SCN9A: variants seen among roughly 807,000 people sequenced by gnomAD.
The protein encoded by SCN9A is sodium voltage-gated channel alpha subunit 9.
In SCN9A, 131 loss-of-function variants were observed where a neutral mutation model predicts 187.0. The ratio of observed to expected loss-of-function variants is 0.70; its 90% confidence interval spans 0.61 to 0.81. The LOEUF (loss-of-function observed/expected upper bound fraction) is 0.81. Ranked by LOEUF, SCN9A falls within the 30% of genes least tolerant of loss-of-function variation. The pLI, the probability that SCN9A is intolerant of heterozygous loss-of-function variation, is 0.00. For missense variants in SCN9A, 2,252 were observed against 2,396.6 expected (o/e 0.94, Z 1.26); for synonymous variants, 809 against 808.6 (o/e 1.00, Z -0.01).
chr2:166,357,419 T>C (rs1415034499), intron 1 of SCN9A, among the ~76,000 whole-genome samples: 3 of 152,192 alleles, frequency 2.0e-5, no homozygotes, highest in Non-Finnish European at 2.9e-5. Context: ...GGTAAAATGT[T>C]CCATTTGTAA....
At position 166,199,534 on chromosome 2, in the gene SCN9A, C is replaced by G. The variant is rs199567943; in HGVS notation, c.5105G>C (p.Gly1702Ala). ...FQITTSAGWDGLLAPILNSKP... is the reference protein window; with the variant it reads ...FQITTSAGWDALLAPILNSKP... Reference sequence around the variant, plus strand: ...ACTGTTAAGAATAGGTGCTAGCAATCCATCCCAGCCAGCAGAGGTTGTAAT... The same window carrying G: ...ACTGTTAAGAATAGGTGCTAGCAATGCATCCCAGCCAGCAGAGGTTGTAAT... The change falls in exon 27 of 27, where the codon GGA becomes GCA. Residue 1702 changes from glycine (G) to alanine (A), a missense_variant. By Grantham distance (60) the Gly-to-Ala change is moderately conservative. Around this residue, in one of 7 missense-constraint regions of SCN9A, gnomAD observed 84 missense variants for 134.2 expected, o/e 0.63. Transcript: ENST00000642356. 2 of 1,614,164 alleles carry G rather than the reference C, an allele frequency of 1.2e-6. No homozygotes were observed. Among genetic ancestry groups the G allele is most frequent in the South Asian group, 1.1e-5 (1 of 91,086 alleles).
intron 1 of SCN9A, among the ~76,000 whole-genome samples, chr2:166,367,694 A>G (rs1700452548): frequency 6.6e-6 from 1 of 152,234 alleles, no homozygotes; most frequent in Admixed American, 6.5e-5. Flanking sequence ...TGCGAATCAT[A>G]GCAAAGTCAA....
At chr2:166,339,029 T>C (rs571536730) in intron 1 of SCN9A, among the ~76,000 whole-genome samples, 1 of 152,232 alleles carries the variant, frequency 6.6e-6, no homozygotes, top group South Asian at 2.1e-4. Context: ...GTTGCAAAGG[T>C]CTTGGCATCT....
chr2:166,365,190 C>G (rs923281315), intron 1 of SCN9A, among the ~76,000 whole-genome samples: 1 of 151,984 alleles, frequency 6.6e-6, no homozygotes, highest in South Asian at 2.1e-4. Flanking sequence ...TTCCAAGAAT[C>G]CAATCCATTA....
At chr2:166,283,464 G>A (rs1697584620) in intron 12 of SCN9A, among the ~76,000 whole-genome samples, 1 of 152,108 alleles carries the variant, frequency 6.6e-6, no homozygotes, top group African/African-American at 2.4e-5. Flanking sequence ...GTTAGTCAAA[G>A]CCCTTGCTGA....
At chr2:166,266,999 A>G (rs1010554775) in intron 17 of SCN9A, among the ~76,000 whole-genome samples, 3 of 152,004 alleles carry the variant, frequency 2.0e-5, no homozygotes, top group Admixed American at 1.3e-4. Flanking sequence ...TCATATAAAA[A>G]CAAAGAGAAT....
intron 1 of SCN9A, among the ~76,000 whole-genome samples, chr2:166,356,795 A>C (rs1346007684): frequency 6.6e-6 from 1 of 152,184 alleles, no homozygotes; most frequent in Non-Finnish European, 1.5e-5. Context: ...AGCATGTATA[A>C]AGCTACTTCT....
intron 9 of SCN9A, among the ~76,000 whole-genome samples, chr2:166,291,072 T>A (rs1698044582): frequency 6.6e-6 from 1 of 152,166 alleles, no homozygotes; most frequent in Non-Finnish European, 1.5e-5. Flanking sequence ...TGTTGGAATT[T>A]CTGGCCAGGG....
intron 1 of SCN9A, among the ~76,000 whole-genome samples, chr2:166,320,362 C>T (rs1699207627): frequency 6.6e-6 from 1 of 152,124 alleles, no homozygotes; most frequent in Admixed American, 6.6e-5. Flanking sequence ...GTTCTGTTAC[C>T]TTCACTGGGC....
chr2:166,199,660 A>G lies in SCN9A; in HGVS notation c.4979T>C (p.Ile1660Thr). Residue 1660 changes from isoleucine (I) to threonine (T), a missense_variant, in exon 27 of 27, where the codon ATC (isoleucine) becomes ACC (threonine). Coordinates refer to ENST00000642356, the MANE Select transcript of SCN9A (RefSeq NM_001365536.1). ...LLFLVMFIYA[I>T]FGMSNFAYVK... ...ATAGGCAAAGTTGGACATTCCAAAGATGGCGTAGATGAACATGACCAGGAA... is the reference window on the plus strand; with the variant it reads ...ATAGGCAAAGTTGGACATTCCAAAGGTGGCGTAGATGAACATGACCAGGAA... The G allele has an allele frequency of 1.9e-6, 3 of 1,614,166 alleles. No individual in the cohort carries two copies. Among genetic ancestry groups the G allele is most frequent in the African/African-American group, 1.3e-5 (1 of 75,044 alleles).
intron 1 of SCN9A, among the ~76,000 whole-genome samples, chr2:166,349,864 C>T (rs1186313087): frequency 6.6e-6 from 1 of 151,924 alleles, no homozygotes; most frequent in Non-Finnish European, 1.5e-5. Context: ...CCCAGCTACT[C>T]AGGAGGCTGA....
intron 9 of SCN9A, among the ~76,000 whole-genome samples, chr2:166,290,744 C>T: frequency 6.6e-6 from 1 of 151,952 alleles, no homozygotes; most frequent in Middle Eastern, 3.2e-3. Flanking sequence ...ATCCTTTGCC[C>T]ACTTTTTGAT....
At chr2:166,322,532 G>A (rs915849717) in intron 1 of SCN9A, among the ~76,000 whole-genome samples, 1 of 152,098 alleles carries the variant, frequency 6.6e-6, no homozygotes, top group Non-Finnish European at 1.5e-5. Context: ...ATGGTTAACT[G>A]TATATAAAGT....
intron 4 of SCN9A, 65 bp downstream of exon 4, chr2:166,306,445 C>T (rs571046788): frequency 2.2e-6 from 2 of 910,738 alleles, no homozygotes; most frequent in African/African-American, 3.3e-5. Flanking sequence ...AACTTCCTGG[C>T]AGGAAAAGGA....
chr2:166,342,326 T>C, intron 1 of SCN9A, among the ~76,000 whole-genome samples: 1 of 152,204 alleles, frequency 6.6e-6, no homozygotes. Flanking sequence ...ATGTCCCTGT[T>C]TGGTCACTTT....
chr2:166,304,445 C>A, intron 5 of SCN9A, 116 bp from the exon 6 acceptor site: 1 of 844,054 alleles, frequency 1.2e-6, no homozygotes, highest in Non-Finnish European at 1.8e-6. Flanking sequence ...TATAGTTCTG[C>A]AAGTCTTTTT....
At chr2:166,250,285 C>A (rs567703625) in intron 18 of SCN9A, among the ~76,000 whole-genome samples, 2 of 152,076 alleles carry the variant, frequency 1.3e-5, no homozygotes, top group Non-Finnish European at 2.9e-5. Flanking sequence ...CTAGATAAGT[C>A]ATTAGCATCT....
chr2:166,225,794 C>T (rs772081761), intron 24 of SCN9A, among the ~76,000 whole-genome samples: 4 of 152,058 alleles, frequency 2.6e-5, no homozygotes, highest in African/African-American at 9.7e-5. Context: ...TGGCATGTCA[C>T]TATAATGGGA....
Position 166,252,770 on chromosome 2 carries a change from T to A in SCN9A, c.3352-885A>T, listed in dbSNP as rs563196025. Among the ~76,000 whole-genome samples, 13 of 151,110 alleles carry A rather than the reference T, an allele frequency of 8.6e-5. No individual in the cohort carries two copies. The Admixed American group carries it at 8.6e-4, about 10-fold the overall frequency. On this transcript the variant is annotated intron_variant, in intron 17 of 26. Transcript: ENST00000642356. ...TATGAGTAACCATGATGTTTACACA[T>A]ACACACACACACACGAAGAAATCTT...
Sources: allele counts gnomAD v4.1 joint callset (sites outside exome capture counted in the v4.1 genomes callset), GRCh38; gene constraint gnomAD v4.1.1; regional missense constraint gnomAD v4.1.1; transcripts MANE v1.5; gene names NCBI Gene and HGNC (gene_info 2026-07-23, HGNC 2026-07-21).